The following CDK17 variants were observed in gnomAD, a reference collection of about 807,000 sequenced individuals.
The protein encoded by CDK17 is cyclin dependent kinase 17.
Under a neutral mutation model 77.6 loss-of-function variants are expected in CDK17, and 24 were observed. The observed-to-expected ratio is 0.31, with a 90% CI of 0.22 to 0.44. CDK17 has a LOEUF of 0.44. Ranked by LOEUF, CDK17 falls within the 20% of genes least tolerant of loss-of-function variation. The pLI is 1.00. For synonymous variants in CDK17, 203 were observed against 210.4 expected (o/e 0.96, Z 0.30); for missense variants, 429 against 622.5 (o/e 0.69, Z 3.31).
At chr12:96,367,320 G>A (rs980566249) in intron 1 of CDK17, among the ~76,000 whole-genome samples, 2 of 122,794 alleles carry the variant, frequency 1.6e-5, no homozygotes, top group Non-Finnish European at 3.2e-5. Context: ...ACTTCAGCCT[G>A]GGTGACAGAA....
chr12:96,394,774 C>T lies in CDK17; in HGVS notation c.-30+5212G>A, dbSNP rs567568809. 2.7e-5 allele frequency among the ~76,000 whole-genome samples: 4 copies of T among 145,856 alleles called. No homozygotes were observed. The South Asian group carries it at 8.7e-4, about 32-fold the overall frequency. On this transcript the variant is annotated intron_variant, in intron 1 of 16. Coordinates refer to ENST00000261211, the MANE Select transcript of CDK17 (RefSeq NM_002595.5). ...CTGCAACACTGCACTCCAGCCTGGGCCAACTGAGGGAGAGACTCCGTCTCA... is the reference window on the plus strand; with the variant it reads ...CTGCAACACTGCACTCCAGCCTGGGTCAACTGAGGGAGAGACTCCGTCTCA...
Position 96,341,013 on chromosome 12 carries a change from C to T in CDK17, c.-29-6148G>A, listed in dbSNP as rs570775015. Among the ~76,000 whole-genome samples the T allele has an allele frequency of 3.9e-5, 6 of 152,190 alleles. No individual in the cohort carries two copies. In the South Asian group the frequency reaches 8.3e-4, roughly 21 times the overall value. On this transcript the variant is annotated intron_variant, in intron 1 of 16. Transcript: ENST00000261211. ...CCTCCAATCTTCACCCTCAAGTAGGCCCCGGTGTCTGTTGATCCCCTCTTT... is the reference window on the plus strand; with the variant it reads ...CCTCCAATCTTCACCCTCAAGTAGGTCCCGGTGTCTGTTGATCCCCTCTTT...
intron 1 of CDK17, among the ~76,000 whole-genome samples, chr12:96,377,276 A>C (rs1054562197): frequency 2.6e-5 from 4 of 152,202 alleles, no homozygotes; most frequent in African/African-American, 9.6e-5. Flanking sequence ...AAATCCAAAA[A>C]CATAAAAGAA....
At chr12:96,284,455 T>C (rs1952220378) in intron 13 of CDK17, 1 of 130,092 alleles carries the variant, frequency 7.7e-6, no homozygotes, top group Non-Finnish European at 1.6e-5. Flanking sequence ...AGCGAGACTC[T>C]GTCTCCCAAA....
intron 9 of CDK17, among the ~76,000 whole-genome samples, chr12:96,296,961 C>T (rs1952415350): frequency 1.3e-5 from 2 of 151,740 alleles, no homozygotes; most frequent in Admixed American, 6.6e-5. Flanking sequence ...ACCCATCATT[C>T]GTGTTTATTT....
At chr12:96,296,426 T>G (rs913198712) in intron 9 of CDK17, among the ~76,000 whole-genome samples, 1 of 152,258 alleles carries the variant, frequency 6.6e-6, no homozygotes, top group African/African-American at 2.4e-5. Context: ...GTTATCCATA[T>G]GTTCTGAGCT....
At chr12:96,307,682 C>T (rs1952593268) in intron 5 of CDK17, among the ~76,000 whole-genome samples, 1 of 152,092 alleles carries the variant, frequency 6.6e-6, no homozygotes, top group Admixed American at 6.5e-5. Context: ...ACCAGCTTGG[C>T]CAACACGGCA....
At chr12:96,317,340 ATG>A (rs1243596547) in intron 3 of CDK17, among the ~76,000 whole-genome samples, 40 of 119,494 alleles carry the variant, frequency 3.3e-4, no homozygotes, top group Admixed American at 2.3e-3. Context: ...CCTGAAAGTG[ATG>A]CGGAGAATGG....
chr12:96,322,185 A>C (rs1952828872), intron 3 of CDK17, among the ~76,000 whole-genome samples: 2 of 152,178 alleles, frequency 1.3e-5, no homozygotes, highest in East Asian at 3.9e-4. Flanking sequence ...GCTTGTCAGA[A>C]CTTTACTCAT....
At chr12:96,353,664 G>A (rs912781614) in intron 1 of CDK17, among the ~76,000 whole-genome samples, 7 of 151,534 alleles carry the variant, frequency 4.6e-5, no homozygotes, top group African/African-American at 1.7e-4. Flanking sequence ...TTGACCTTGT[G>A]GGCTTTCTGA....
chr12:96,351,734 T>C (rs1953316148), intron 1 of CDK17, among the ~76,000 whole-genome samples: 2 of 152,332 alleles, frequency 1.3e-5, no homozygotes, highest in Admixed American at 1.3e-4. Flanking sequence ...TTTATATCAG[T>C]TTTCCATCAA....
chr12:96,362,716 C>T (rs927117376), intron 1 of CDK17, among the ~76,000 whole-genome samples: 22 of 152,184 alleles, frequency 1.4e-4, no homozygotes, highest in African/African-American at 5.3e-4. Context: ...AGAGATGTAT[C>T]TTTGGCCCTT....
chr12:96,299,029 T>G, intron 6 of CDK17, 46 bp from the exon 7 acceptor site: 2 of 902,694 alleles, frequency 2.2e-6, no homozygotes, highest in Non-Finnish European at 3.6e-6. Flanking sequence ...ATCATAAGAG[T>G]CTATTTAATA....
intron 1 of CDK17, among the ~76,000 whole-genome samples, chr12:96,367,785 A>G (rs1450892687): frequency 1.3e-5 from 2 of 151,756 alleles, no homozygotes; most frequent in African/African-American, 4.8e-5. Context: ...GGGAGGCCAA[A>G]GCAGGAGGAT....
intron 1 of CDK17, among the ~76,000 whole-genome samples, chr12:96,336,555 C>T (rs561054417): frequency 3.3e-5 from 5 of 152,348 alleles, no homozygotes; most frequent in Middle Eastern, 3.4e-3. Context: ...AGAGTTGCGA[C>T]TGCACTTTAA....
At chr12:96,337,406 A>T (rs1006524475) in intron 1 of CDK17, among the ~76,000 whole-genome samples, 5 of 152,160 alleles carry the variant, frequency 3.3e-5, no homozygotes, top group Admixed American at 3.3e-4. Context: ...TGACTCTTCA[A>T]GTGTTGATTC....
intron 1 of CDK17, among the ~76,000 whole-genome samples, chr12:96,364,952 TGG>T (rs2137195934): frequency 6.6e-6 from 1 of 152,312 alleles, no homozygotes; most frequent in South Asian, 2.1e-4. Flanking sequence ...AAGCATTACT[TGG>T]TTACCAGGAA....
intron 1 of CDK17, among the ~76,000 whole-genome samples, chr12:96,339,345 G>C (rs576795204): frequency 1.3e-5 from 2 of 151,934 alleles, no homozygotes; most frequent in South Asian, 4.2e-4. Flanking sequence ...ATACACAGTG[G>C]ACTTTGGTTG....
At chr12:96,395,852 AGT>A (rs1172177127) in intron 1 of CDK17, among the ~76,000 whole-genome samples, 1 of 152,232 alleles carries the variant, frequency 6.6e-6, no homozygotes, top group African/African-American at 2.4e-5. Flanking sequence ...AGGACTTAAG[AGT>A]GCCCAGGGAG....
Sources: gnomAD v4.1 joint callset for allele counts (sites outside exome capture counted in the v4.1 genomes callset) on GRCh38, gnomAD v4.1.1 for gene constraint, MANE v1.5 for transcripts, NCBI Gene and HGNC (gene_info 2026-07-23, HGNC 2026-07-21) for gene names.